The following LRRC4C variants were observed in gnomAD, a reference collection of about 807,000 sequenced individuals.
LRRC4C encodes leucine rich repeat containing 4C, also known as leucine-rich repeat-containing protein 4C.
A neutral mutation model predicts 33.6 loss-of-function variants in LRRC4C; 5 were observed. The ratio of observed to expected loss-of-function variants is 0.15; its 90% CI spans 0.08 to 0.31. The LOEUF (loss-of-function observed/expected upper bound fraction) is 0.31, where lower values mean the gene tolerates loss of function less well. LRRC4C is among the 10% of genes least tolerant of loss of function. The probability of loss-of-function intolerance (pLI) is 1.00; values close to 1 mark genes in which losing one functional copy is unlikely to be tolerated. For synonymous variants in LRRC4C, 329 were observed against 302.0 expected (o/e 1.09, Z -0.93); for missense variants, 560 against 796.7 (o/e 0.70, Z 3.58).
intron 5 of LRRC4C, among the ~76,000 whole-genome samples, chr11:40,237,458 T>C (rs755327367): frequency 1.3e-5 from 2 of 152,180 alleles, no homozygotes; most frequent in Non-Finnish European, 2.9e-5. Context: ...TACTCTCTAT[T>C]TGTCCACTGA....
intron 1 of LRRC4C, among the ~76,000 whole-genome samples, chr11:41,084,341 T>C (rs544774294): frequency 2.2e-4 from 34 of 152,316 alleles, no homozygotes; most frequent in African/African-American, 8.2e-4. Context: ...CTTCTGTCCT[T>C]GGCTATGCAA....
chr11:40,359,756 T>A (rs925040265), intron 3 of LRRC4C, among the ~76,000 whole-genome samples: 2 of 152,204 alleles, frequency 1.3e-5, no homozygotes, highest in Admixed American at 1.3e-4. Flanking sequence ...CCAATCTGAA[T>A]AGCCTCATCT....
intron 1 of LRRC4C, among the ~76,000 whole-genome samples, chr11:40,943,559 C>G (rs1958252409): frequency 1.3e-5 from 2 of 152,120 alleles, no homozygotes; most frequent in Admixed American, 6.6e-5. Flanking sequence ...TGGTTTGCCC[C>G]AAGAGAGGTT....
intron 1 of LRRC4C, among the ~76,000 whole-genome samples, chr11:41,182,445 A>C (rs1055438360): frequency 6.6e-6 from 1 of 152,194 alleles, no homozygotes; most frequent in Admixed American, 6.5e-5. Flanking sequence ...TTATGTCTTC[A>C]AGTTGAAAAA....
At chr11:40,821,356 TA>T in intron 2 of LRRC4C, among the ~76,000 whole-genome samples, 1 of 151,484 alleles carries the variant, frequency 6.6e-6, no homozygotes, top group Non-Finnish European at 1.5e-5. Flanking sequence ...TGAAGAAAAA[TA>T]AATTTGGAAT....
intron 5 of LRRC4C, among the ~76,000 whole-genome samples, chr11:40,200,078 C>T (rs921729679): frequency 6.8e-6 from 1 of 146,036 alleles, no homozygotes; most frequent in East Asian, 2.1e-4. Flanking sequence ...CACTGTGGCT[C>T]GTGCCTGTAA....
At chr11:40,298,201 A>G (rs2136643608) in intron 4 of LRRC4C, among the ~76,000 whole-genome samples, 1 of 152,346 alleles carries the variant, frequency 6.6e-6, no homozygotes, top group Non-Finnish European at 1.5e-5. Flanking sequence ...GCCACCAAAT[A>G]AGATGATTTC....
intron 3 of LRRC4C, among the ~76,000 whole-genome samples, chr11:40,438,179 C>A (rs942985123): frequency 6.6e-6 from 1 of 152,202 alleles, no homozygotes; most frequent in South Asian, 2.1e-4. Context: ...GGTCCCACTG[C>A]GGGCCCTTGC....
At chr11:41,291,643 C>T (rs1411387088) in intron 1 of LRRC4C, among the ~76,000 whole-genome samples, 1 of 151,982 alleles carries the variant, frequency 6.6e-6, no homozygotes, top group Admixed American at 6.6e-5. Context: ...TATAAAGTTA[C>T]AGGAGCCTAT....
intron 1 of LRRC4C, among the ~76,000 whole-genome samples, chr11:41,367,104 G>A (rs893231792): frequency 6.6e-6 from 1 of 152,160 alleles, no homozygotes; most frequent in Non-Finnish European, 1.5e-5. Context: ...AAGACACAGG[G>A]AAGGTGCCTT....
rs1015373215 is a variant in LRRC4C at position 41,184,994 on chromosome 11, C to T, written c.-495-251271G>A. Reference sequence around the variant, plus strand: ...CTACCATTTTTTAAAACCACCAGATCTTGTGAGACTTATTCACTATCATGC... The same window carrying T: ...CTACCATTTTTTAAAACCACCAGATTTTGTGAGACTTATTCACTATCATGC... On this transcript the variant is annotated intron_variant, in intron 1 of 6. Coordinates refer to ENST00000528697, the MANE Select transcript of LRRC4C (RefSeq NM_001258419.2). Among the ~76,000 whole-genome samples, 12 of 152,114 alleles carry T rather than the reference C, an allele frequency of 7.9e-5. No homozygotes were observed. In the East Asian group the frequency reaches 2.3e-3, roughly 30 times the overall value.
intron 4 of LRRC4C, among the ~76,000 whole-genome samples, chr11:40,259,543 A>AT (rs1867514596): frequency 6.6e-6 from 1 of 151,856 alleles, no homozygotes; most frequent in Non-Finnish European, 1.5e-5. Context: ...TTATGGTTTT[A>AT]GGTCGAACGT....
At chr11:41,420,578 G>A (rs539255865) in intron 1 of LRRC4C, among the ~76,000 whole-genome samples, 43 of 152,046 alleles carry the variant, frequency 2.8e-4, no homozygotes, top group Non-Finnish European at 4.4e-4. Flanking sequence ...TTTTAATTTC[G>A]TTGGTGCTTT....
intron 2 of LRRC4C, among the ~76,000 whole-genome samples, chr11:40,758,806 C>CA (rs1443005448): frequency 6.6e-6 from 1 of 151,934 alleles, no homozygotes; most frequent in Non-Finnish European, 1.5e-5. Context: ...GTTCAACTGT[C>CA]AAAATCTGGA....
At chr11:41,002,712 T>C (rs964620277) in intron 1 of LRRC4C, among the ~76,000 whole-genome samples, 5 of 152,194 alleles carry the variant, frequency 3.3e-5, no homozygotes, top group Admixed American at 3.3e-4. Context: ...GTGATTTATG[T>C]TCAAAGTAAG....
intron 2 of LRRC4C, among the ~76,000 whole-genome samples, chr11:40,862,219 T>C (rs1358383276): frequency 6.6e-6 from 1 of 152,202 alleles, no homozygotes; most frequent in Non-Finnish European, 1.5e-5. Context: ...ATTACTAAGT[T>C]AGCCTTAGTA....
chr11:40,296,574 T>C (rs1944524144), intron 4 of LRRC4C, among the ~76,000 whole-genome samples: 1 of 152,216 alleles, frequency 6.6e-6, no homozygotes, highest in African/African-American at 2.4e-5. Flanking sequence ...TGTCATTTTC[T>C]GCCCTGAATG....
At chr11:40,271,462 G>C (rs1036973662) in intron 4 of LRRC4C, among the ~76,000 whole-genome samples, 2 of 152,190 alleles carry the variant, frequency 1.3e-5, no homozygotes, top group African/African-American at 4.8e-5. Flanking sequence ...ATGTAGAAGG[G>C]AGGATTTCAA....
At chr11:41,381,311 A>C (rs1236328863) in intron 1 of LRRC4C, among the ~76,000 whole-genome samples, 1 of 152,128 alleles carries the variant, frequency 6.6e-6, no homozygotes, top group Non-Finnish European at 1.5e-5. Flanking sequence ...CAGGAACCAA[A>C]TATTAAGTAG....
Sources: gnomAD v4.1 joint callset for allele counts (sites outside exome capture counted in the v4.1 genomes callset) on GRCh38, gnomAD v4.1.1 for gene constraint, MANE v1.5 for transcripts, NCBI Gene and HGNC (gene_info 2026-07-23, HGNC 2026-07-21) for gene names.